ADGRB3: variants seen among roughly 807,000 people sequenced by gnomAD.
ADGRB3 encodes the protein adhesion G protein-coupled receptor B3.
Under a neutral mutation model 193.4 loss-of-function variants are expected in ADGRB3, and 37 were observed. The observed-to-expected ratio is 0.19, with a 90% CI of 0.15 to 0.25. The LOEUF is 0.25. ADGRB3 is among the 10% of genes least tolerant of loss of function. The pLI is 1.00. For synonymous variants in ADGRB3, 690 were observed against 644.2 expected (o/e 1.07, Z -1.08); for missense variants, 1,637 against 1,852.9 (o/e 0.88, Z 2.14).
At chr6:69,141,648 G>A (rs1317243629) in intron 17 of ADGRB3, among the ~76,000 whole-genome samples, 1 of 152,104 alleles carries the variant, frequency 6.6e-6, no homozygotes, top group Non-Finnish European at 1.5e-5. Context: ...GAAGGGGGAA[G>A]TGGGAAGCAG....
chr6:68,846,128 G>T (rs891304870), intron 3 of ADGRB3, among the ~76,000 whole-genome samples: 2 of 151,642 alleles, frequency 1.3e-5, no homozygotes, highest in African/African-American at 4.9e-5. Flanking sequence ...TTTTGCCCCT[G>T]CCCTAGAGAT....
chr6:68,646,982 T>C (rs1768231288), intron 3 of ADGRB3, among the ~76,000 whole-genome samples: 1 of 152,196 alleles, frequency 6.6e-6, no homozygotes, highest in Non-Finnish European at 1.5e-5. Flanking sequence ...GAAGGGAATT[T>C]GGGTTGGAAA....
At chr6:68,833,535 C>A (rs576444096) in intron 3 of ADGRB3, among the ~76,000 whole-genome samples, 91 of 115,394 alleles carry the variant, frequency 7.9e-4, no homozygotes, top group African/African-American at 2.5e-3. Context: ...AAAAGAAAAT[C>A]AATTTCCTTA....
intron 3 of ADGRB3, among the ~76,000 whole-genome samples, chr6:68,857,507 A>G (rs1206358141): frequency 3.3e-5 from 5 of 152,206 alleles, no homozygotes; most frequent in Non-Finnish European, 7.3e-5. Flanking sequence ...GCTGGATTTC[A>G]TACTTGCATG....
chr6:69,272,596 A>T (rs1400295200), intron 20 of ADGRB3, among the ~76,000 whole-genome samples: 1 of 152,214 alleles, frequency 6.6e-6, no homozygotes, highest in Non-Finnish European at 1.5e-5. Flanking sequence ...CTTAAATGTT[A>T]TAGTAAAAAA....
intron 11 of ADGRB3, among the ~76,000 whole-genome samples, chr6:69,001,682 GA>G (rs1156436891): frequency 2.0e-5 from 3 of 152,048 alleles, no homozygotes; most frequent in Non-Finnish European, 1.5e-5. Flanking sequence ...GAAAATATTG[GA>G]AAAAATACAC....
chr6:69,249,160 T>C (rs1766564685), intron 20 of ADGRB3, among the ~76,000 whole-genome samples: 1 of 152,124 alleles, frequency 6.6e-6, no homozygotes, highest in Non-Finnish European at 1.5e-5. Context: ...GTATTTTTAG[T>C]AGAGATGGAG....
chr6:68,862,877 A>T (rs985225610), intron 3 of ADGRB3, among the ~76,000 whole-genome samples: 1 of 152,118 alleles, frequency 6.6e-6, no homozygotes, highest in Non-Finnish European at 1.5e-5. Context: ...ACCACAAATG[A>T]TCAAGATTTT....
chr6:68,817,720 C>A (rs1782520388), intron 3 of ADGRB3, among the ~76,000 whole-genome samples: 1 of 151,890 alleles, frequency 6.6e-6, no homozygotes, highest in African/African-American at 2.4e-5. Context: ...TAAATTATAG[C>A]TATCATTGTA....
chr6:69,076,114 A>G (rs886304810), intron 17 of ADGRB3, 76 bp downstream of exon 17: 30 of 1,283,806 alleles, frequency 2.3e-5, no homozygotes, highest in Non-Finnish European at 3.3e-5. Context: ...GCTGCCTGCT[A>G]GTTAACAGGA....
In ADGRB3 at chr6:69,223,407, A is replaced by C. The variant is rs554090445; in HGVS notation, c.2481-9883A>C. ...TGATATCTCAGTTTGATGTCTCAAC[A>C]GTTATTTTTAAGCACTATCCTTCCA... is the stretch of plus-strand genomic sequence containing the variant. On this transcript the variant is annotated intron_variant, in intron 17 of 31. Transcript: ENST00000370598. Among the ~76,000 whole-genome samples the C allele has an allele frequency of 7.4e-4, 112 of 152,234 alleles. 1 individual carries two copies. The South Asian group carries it at 0.023, about 31-fold the overall frequency.
intron 5 of ADGRB3, among the ~76,000 whole-genome samples, chr6:68,937,768 T>C (rs1489972788): frequency 6.6e-6 from 1 of 152,114 alleles, no homozygotes; most frequent in Non-Finnish European, 1.5e-5. Context: ...AAGGGGTCCA[T>C]TAAAAGACAG....
chr6:68,823,743 A>G (rs1554200693), intron 3 of ADGRB3, among the ~76,000 whole-genome samples: 1 of 152,134 alleles, frequency 6.6e-6, no homozygotes, highest in Non-Finnish European at 1.5e-5. Flanking sequence ...CATGTTATAA[A>G]ATAATAAATG....
chr6:68,707,204 T>C (rs1359936067), intron 3 of ADGRB3, among the ~76,000 whole-genome samples: 1 of 152,146 alleles, frequency 6.6e-6, no homozygotes, highest in Admixed American at 6.6e-5. Context: ...CATCTTTTCA[T>C]TTTCGTATGG....
chr6:68,797,670 T>C (rs1767237116), intron 3 of ADGRB3, among the ~76,000 whole-genome samples: 2 of 152,180 alleles, frequency 1.3e-5, no homozygotes, highest in East Asian at 1.9e-4. Context: ...GCTTCTGGTC[T>C]AGGGATTTAA....
intron 13 of ADGRB3, among the ~76,000 whole-genome samples, chr6:69,047,398 TA>T (rs1470565299): frequency 6.6e-6 from 1 of 150,394 alleles, no homozygotes; most frequent in Non-Finnish European, 1.5e-5. Context: ...AATTTGTATA[TA>T]ACTATTAAAT....
intron 3 of ADGRB3, among the ~76,000 whole-genome samples, chr6:68,736,181 TA>T (rs35091867): frequency 0.43 from 62,552 of 145,764 alleles, 13,492 homozygotes; most frequent in African/African-American, 0.54. Flanking sequence ...ACTGGCTAAT[TA>T]AAAAAAAAAA....
chr6:68,643,241 C>T (rs984664164), intron 3 of ADGRB3, among the ~76,000 whole-genome samples: 2 of 152,158 alleles, frequency 1.3e-5, no homozygotes, highest in African/African-American at 2.4e-5. Context: ...CAAAGGAAGT[C>T]TCACCATAGG....
At chr6:69,321,320 A>G (rs1357687200) in intron 20 of ADGRB3, among the ~76,000 whole-genome samples, 6 of 151,820 alleles carry the variant, frequency 4.0e-5, no homozygotes, top group Non-Finnish European at 8.8e-5. Flanking sequence ...TGTGACACTG[A>G]TGAGACCAGT....
Sources: allele counts gnomAD v4.1 joint callset (sites outside exome capture counted in the v4.1 genomes callset), GRCh38; gene constraint gnomAD v4.1.1; transcripts MANE v1.5; gene names NCBI Gene and HGNC (gene_info 2026-07-23, HGNC 2026-07-21).